Variants in SLC7A10 observed in about 807,000 individuals in gnomAD.
SLC7A10 encodes the protein asc-type amino acid transporter 1.
SLC7A10 carries 30 observed loss-of-function variants against 52.7 expected under a neutral mutation model. The ratio of observed to expected loss-of-function variants is 0.57; its 90% CI spans 0.43 to 0.77. The LOEUF (loss-of-function observed/expected upper bound fraction) is 0.77. Ranked by LOEUF, SLC7A10 falls within the 30% of genes least tolerant of loss-of-function variation. SLC7A10 has a pLI of 0.00. For synonymous variants in SLC7A10, 318 were observed against 314.9 expected (o/e 1.01, Z -0.10); for missense variants, 581 against 698.5 (o/e 0.83, Z 1.90).
At position 33,210,912 on chromosome 19, in the gene SLC7A10, C is replaced by T. The variant is rs778632967; in HGVS notation, c.1017-14G>A. On this transcript the variant is annotated splice_polypyrimidine_tract_variant and intron_variant, in intron 7 of 10. Transcript: ENST00000253188. This position sits in a 1 kb window ranked among gnomAD's most constrained non-coding sequence, Gnocchi z 5.6. Reference sequence around the variant, plus strand: ...GAGAAGCACAGCCTAGCGTTGGGGACAGATATGGGCACTGGCCACATCCTG... The same window carrying T: ...GAGAAGCACAGCCTAGCGTTGGGGATAGATATGGGCACTGGCCACATCCTG... 4 of 1,611,064 alleles carry T rather than the reference C, an allele frequency of 2.5e-6. No individual in the cohort carries two copies. The highest frequency in any genetic ancestry group is 2.2e-5 in the South Asian group (2 of 91,010).
rs1477606788 is a variant in SLC7A10, at chr19:33,225,739, C to T, written c.-36G>A. On this transcript the variant is annotated 5_prime_UTR_variant, in exon 1 of 11. Transcript: ENST00000253188. ...CGCCGCGTCCCCGCTCCCTGCGCTGCCCCGTCTGTCCGGCCGGCCGCCCGT... is the reference window on the plus strand; with the variant it reads ...CGCCGCGTCCCCGCTCCCTGCGCTGTCCCGTCTGTCCGGCCGGCCGCCCGT... The T allele has an allele frequency of 1.4e-6, 2 of 1,467,648 alleles. No homozygotes were observed. Among genetic ancestry groups the T allele is most frequent in the Non-Finnish European group, 1.8e-6 (2 of 1,117,378 alleles). The allele number at this position is 1,467,648 out of a possible 1,614,324, so 90.9% of individuals were successfully genotyped here. A position where few individuals can be genotyped will look rare whatever the true frequency, so the allele number is the denominator to read the frequency against.
Position 33,225,650 on chromosome 19 carries a change from G to A in SLC7A10, c.54C>T (p.Pro18=). Residue 18 remains proline, a synonymous_variant, in exon 1 of 11, where the codon CCC becomes CCT. Transcript: ENST00000253188. ...CGGTCCCTGGGACTGGGGAGGGCGA[G>A]GGCGCAGGCCTGGGGTTCCCGCGCC... The part of the protein sequence containing the change: ...PSGRGNPRPA[P]SPSPVPGTVP... The A allele has an allele frequency of 6.3e-7, 1 of 1,582,452 alleles. No individual in the cohort carries two copies.
intron 2 of SLC7A10, among the ~76,000 whole-genome samples, chr19:33,214,325 C>T (rs146957448): frequency 7.2e-5 from 11 of 152,248 alleles, no homozygotes; most frequent in Non-Finnish European, 1.2e-4. Context: ...AAATTTCAGC[C>T]CAGACTTTTC....
In SLC7A10 at chr19:33,208,962, C is replaced by T. The variant is rs1429134939; in HGVS notation, c.1501G>A (p.Glu501Lys). Residue 501 changes from glutamate to lysine, a missense_variant, in exon 11 of 11, where the codon GAA becomes AAA. Coordinates refer to ENST00000253188, the MANE Select transcript of SLC7A10 (RefSeq NM_019849.3). This position sits in a 1 kb window ranked among gnomAD's most constrained non-coding sequence, Gnocchi z 4.7. ...CFVVYPQDAP[E>K]EEENGPCPPS... ...GGGCAGGGGCCATTCTCCTCCTCTTCGGGGGCGTCCTGGGGGTAGACCACG... is the reference window on the plus strand; with the variant it reads ...GGGCAGGGGCCATTCTCCTCCTCTTTGGGGGCGTCCTGGGGGTAGACCACG... 4.3e-6 allele frequency: 7 copies of T among 1,613,792 alleles called. No homozygotes were observed. Among genetic ancestry groups the T allele is most frequent in the East Asian group, 2.2e-5 (1 of 44,858 alleles).
In SLC7A10 at chr19:33,216,373, C is replaced by T. The variant is rs971642186; in HGVS notation, c.152-400G>A. The stretch of plus-strand genomic sequence containing the variant: ...CCACAAGGCCCATGCTCAGCCCTCC[C>T]GTCTACCTCAGAGCCCCAGGCATAT... On this transcript the variant is annotated intron_variant, in intron 1 of 10. Coordinates refer to ENST00000253188, the MANE Select transcript of SLC7A10 (RefSeq NM_019849.3). Among the ~76,000 whole-genome samples, 7 of 152,216 alleles carry T rather than the reference C, an allele frequency of 4.6e-5. No homozygotes were observed. The South Asian group carries it at 1.0e-3, about 22-fold the overall frequency.
Position 33,210,663 on chromosome 19 carries a change from G to A in SLC7A10, c.1114-47C>T, listed in dbSNP as rs970845585. 6.2e-7 allele frequency: 1 copy of A among 1,609,958 alleles called. No homozygotes were observed. Among genetic ancestry groups the A allele is most frequent in the African/African-American group, 1.3e-5 (1 of 75,044 alleles). ...ACGGCTGGCCCCTAGCCTGCCTCCT[G>A]ACGCCCCTGCAGGATGAGCCCTGGC... On this transcript the variant is annotated intron_variant, in intron 8 of 10. Transcript: ENST00000253188. This position sits in a 1 kb window ranked among gnomAD's most constrained non-coding sequence, Gnocchi z 5.6.
In SLC7A10 at chr19:33,211,322, C is replaced by T. The variant is rs2145471402; in HGVS notation, c.919G>A (p.Gly307Arg). 9.3e-6 allele frequency: 15 copies of T among 1,614,058 alleles called. No homozygotes were observed. Among genetic ancestry groups the T allele is most frequent in the East Asian group, 4.5e-5 (2 of 44,868 alleles). The change falls in exon 7 of 11, where the codon GGG becomes AGG. Residue 307 changes from glycine to arginine, a missense_variant. Physicochemically the swap from Gly to Arg is moderately radical, Grantham distance 125. Coordinates refer to ENST00000253188, the MANE Select transcript of SLC7A10 (RefSeq NM_019849.3). The part of the protein sequence containing the change: ...LSSNAVAVTF[G>R]EKLLGYFSWV... Reference sequence around the variant, plus strand: ...GAAAAGTAGCCCAGCAGCTTCTCCCCGAAGGTCTGGGTGGGCACAGTAGAG... The same window carrying T: ...GAAAAGTAGCCCAGCAGCTTCTCCCTGAAGGTCTGGGTGGGCACAGTAGAG...
intron 1 of SLC7A10, among the ~76,000 whole-genome samples, chr19:33,222,909 G>C (rs1640316603): frequency 6.6e-6 from 1 of 152,236 alleles, no homozygotes. Context: ...AGCTGGAGCA[G>C]AGGGTATACA....
chr19:33,220,754 T>G (rs1022949718), intron 1 of SLC7A10: 9 of 152,174 alleles, frequency 5.9e-5, no homozygotes, highest in African/African-American at 1.9e-4. Context: ...GACTTTTACC[T>G]CCTTGCCCCC....
In SLC7A10 at chr19:33,210,997, G is replaced by T. The variant is rs1421138996; in HGVS notation, c.1017-99C>A. On this transcript the variant is annotated intron_variant, in intron 7 of 10. Coordinates refer to ENST00000253188, the MANE Select transcript of SLC7A10 (RefSeq NM_019849.3). This position sits in a 1 kb window ranked among gnomAD's most constrained non-coding sequence, Gnocchi z 5.6. ...TGTCGCCTCTGACCTCCTGCTCCGG[G>T]CCCAGCAGCCCCACTGGACAGTTCT... 8.4e-7 allele frequency: 1 copy of T among 1,184,686 alleles called. No homozygotes were observed. 73.4% of individuals were successfully genotyped at this position (1,184,686 alleles called of 1,614,324 possible).
At chr19:33,215,562 G>T (rs1251177165) in intron 2 of SLC7A10, among the ~76,000 whole-genome samples, 1 of 129,244 alleles carries the variant, frequency 7.7e-6, no homozygotes, top group Non-Finnish European at 1.7e-5. Flanking sequence ...CACCTGCCCT[G>T]TCCTCAGAAG....
intron 7 of SLC7A10, 106 bp downstream of exon 7, chr19:33,211,119 G>A (rs1300997148): frequency 2.6e-6 from 3 of 1,155,014 alleles, no homozygotes; most frequent in Non-Finnish European, 3.9e-6. Context: ...GCTTCAGGCA[G>A]ACCCCTCCCC....
At chr19:33,225,417 G>T in intron 1 of SLC7A10, 136 bp downstream of exon 1, 1 of 1,112,786 alleles carries the variant, frequency 9.0e-7, no homozygotes, top group Non-Finnish European at 1.3e-6. Context: ...CGCGGTCATA[G>T]CGCTCTCTGA....
intron 1 of SLC7A10, among the ~76,000 whole-genome samples, chr19:33,218,692 T>C (rs1287342125): frequency 0.017 from 936 of 56,420 alleles, 27 homozygotes; most frequent in African/African-American, 0.028. Flanking sequence ...TTTTTTTTTT[T>C]TTTTTAGTAG....
chr19:33,212,803 C>T, intron 3 of SLC7A10, 48 bp downstream of exon 3: 1 of 1,608,942 alleles, frequency 6.2e-7, no homozygotes. Context: ...AGGATGGAGC[C>T]CGGGCAGGTG....
At position 33,225,705 on chromosome 19, in the gene SLC7A10, T is replaced by C; in HGVS notation, c.-2A>G. The C allele has an allele frequency of 1.3e-6, 2 of 1,522,372 alleles. No homozygotes were observed. Among genetic ancestry groups the C allele is most frequent in the Non-Finnish European group, 1.7e-6 (2 of 1,143,710 alleles). 94.3% of individuals were successfully genotyped at this position (1,522,372 alleles called of 1,614,324 possible). On this transcript the variant is annotated 5_prime_UTR_variant, in exon 1 of 11. Transcript: ENST00000253188. ...CGGCTGCTGCGTGTGGCCGGCCATG[T>C]CGCTGTCCCGCCGCGTCCCCGCTCC... is the stretch of plus-strand genomic sequence containing the variant.
intron 5 of SLC7A10, 192 bp from the exon 6 acceptor site, chr19:33,211,729 C>A: frequency 9.4e-7 from 1 of 1,068,502 alleles, no homozygotes; most frequent in African/African-American, 1.6e-5. Context: ...CACCTGGACA[C>A]AGGCTGGTAG....
chr19:33,210,280 A>T lies in SLC7A10; in HGVS notation c.1263+187T>A, dbSNP rs537688707. ...TTTTCGCCATCTGTACACTGGGAGC[A>T]TTCAAAGCTCTGTCCTCATGGGGCT... On this transcript the variant is annotated intron_variant, in intron 9 of 10. Transcript: ENST00000253188. This position sits in a 1 kb window ranked among gnomAD's most constrained non-coding sequence, Gnocchi z 5.6. Among the ~76,000 whole-genome samples the T allele has an allele frequency of 3.3e-5, 5 of 152,234 alleles. No individual in the cohort carries two copies. In the East Asian group the frequency reaches 9.7e-4, roughly 29 times the overall value.
rs1027268129 is a variant in SLC7A10 at position 33,209,316 on chromosome 19, C to T, written c.1433G>A (p.Arg478Lys). ...FWRSKPKCVH[R>K]LTESMTHWGQ... ...GCAGCTGCCCGGCTCACCTGTGAGT[C>T]TGTGCACACACTTTGGTTTGCTTCT... Residue 478 changes from arginine (R) to lysine (K), a missense_variant, in exon 10 of 11, where the codon AGA becomes AAA. Transcript: ENST00000253188. The T allele has an allele frequency of 4.3e-6, 7 of 1,613,842 alleles. No individual in the cohort carries two copies. The highest frequency in any genetic ancestry group is 5.1e-6 in the Non-Finnish European group (6 of 1,180,014).
Sources: gnomAD v4.1 joint callset for allele counts (sites outside exome capture counted in the v4.1 genomes callset) on GRCh38, gnomAD v4.1.1 for gene constraint, Gnocchi (gnomAD v3.1) non-coding constraint, MANE v1.5 for transcripts, NCBI Gene and HGNC (gene_info 2026-07-23, HGNC 2026-07-21) for gene names.